ZNF394: variants seen among roughly 807,000 people sequenced by gnomAD.
The protein encoded by ZNF394 is zinc finger protein 394, also known as zinc finger protein 99.
In ZNF394, 19 loss-of-function variants were observed where a neutral mutation model predicts 21.8. The ratio of observed to expected loss-of-function variants is 0.87; its 90% confidence interval spans 0.61 to 1.28. ZNF394 has a LOEUF of 1.28. ZNF394 is among the 50% of genes most tolerant of loss of function. The pLI is 0.00. For synonymous variants in ZNF394, 294 were observed against 273.3 expected, an observed-to-expected ratio of 1.08 and a Z score of -0.75; for missense variants, 683 against 708.6, an observed-to-expected ratio of 0.96 and a Z score of 0.41.
At chr7:99,489,263 G>A (rs529110815), downstream of ZNF394, among the ~76,000 whole-genome samples, 82 of 149,834 alleles carry the variant, frequency 5.5e-4, no homozygotes, top group Non-Finnish European at 1.0e-3. Context: ...CAGCCTCGGT[G>A]ACAGAGTAAG....
chr7:99,488,861 G>A (rs1800093804), downstream of ZNF394, among the ~76,000 whole-genome samples: 1 of 149,484 alleles, frequency 6.7e-6, no homozygotes, highest in Non-Finnish European at 1.5e-5. Flanking sequence ...CAACCGGGAG[G>A]CAGAGGTTGC....
rs955862351 is a variant in ZNF394 at position 99,499,904 on chromosome 7, G to C, written c.190C>G (p.Arg64Gly). 50 of 1,614,024 alleles carry C rather than the reference G, an allele frequency of 3.1e-5. No individual in the cohort carries two copies. Among genetic ancestry groups the C allele is most frequent in the Non-Finnish European group, 4.0e-5 (47 of 1,180,044 alleles). Residue 64 changes from arginine to glycine, a missense_variant, in exon 1 of 3, where the codon CGA (arginine) becomes GGA (glycine). Arg to Gly is a moderately radical substitution (Grantham distance 125). Coordinates refer to ENST00000337673, the MANE Select transcript of ZNF394 (RefSeq NM_032164.4). ...TAACGCAGCTGCCTAAAGTGCAGTC[G>C]AGAAGTTTCGGGGTCCGGCGAAGCC... The part of the protein sequence containing the change: ...PAASPDPETS[R>G]LHFRQLRYQE...
Position 99,499,491 on chromosome 7 carries a change from C to A in ZNF394, c.456+147G>T, listed in dbSNP as rs906067184. 7.3e-6 allele frequency: 5 copies of A among 685,798 alleles called. No homozygotes were observed. The South Asian group carries it at 9.9e-5, about 14-fold the overall frequency. 42.5% of individuals were successfully genotyped at this position (685,798 alleles called of 1,614,324 possible). ...ATAACAAGTCATTTCCTGGATGGAT[C>A]TGTCACTGTGGCCTACAGAAAGGAA... On this transcript the variant is annotated intron_variant, in intron 1 of 2. Transcript: ENST00000337673.
Position 99,493,442 on chromosome 7 carries a change from A to G in ZNF394, c.*87T>C. Reference sequence around the variant, plus strand: ...CGGCTCATTTTTGTATTTTTAGTAGAGACAGGATTTTACCATGTTGGCCAG... The same window carrying G: ...CGGCTCATTTTTGTATTTTTAGTAGGGACAGGATTTTACCATGTTGGCCAG... On this transcript the variant is annotated 3_prime_UTR_variant, in exon 3 of 3. Coordinates refer to ENST00000337673, the MANE Select transcript of ZNF394 (RefSeq NM_032164.4). 8.0e-7 allele frequency: 1 copy of G among 1,249,822 alleles called. No homozygotes were observed. The highest frequency in any genetic ancestry group is 1.1e-6 in the Non-Finnish European group (1 of 905,294). 77.4% of individuals were successfully genotyped at this position (1,249,822 alleles called of 1,614,324 possible). A position where few individuals can be genotyped will look rare whatever the true frequency, so the allele number is the denominator to read the frequency against.
chr7:99,486,641 C>G, exon 2 of ZNF394: 1 of 1,614,166 alleles, frequency 6.2e-7, no homozygotes, highest in Non-Finnish European at 8.5e-7. Context: ...CTTACTTTCC[C>G]TACTAGTGGT....
downstream of ZNF394, among the ~76,000 whole-genome samples, chr7:99,489,575 T>C (rs1000078532): frequency 1.3e-5 from 2 of 152,194 alleles, no homozygotes; most frequent in Non-Finnish European, 2.9e-5. Context: ...CCAAGGTAGA[T>C]ACCTCATTGG....
At chr7:99,497,122 G>GTGTGTATATATATA (rs1322382800) in intron 2 of ZNF394, among the ~76,000 whole-genome samples, 27 of 79,424 alleles carry the variant, frequency 3.4e-4, no homozygotes, top group African/African-American at 5.9e-4. Context: ...GTGTGTGTGT[G>GTGTGTATATATATA]TATATATATA....
downstream of ZNF394, among the ~76,000 whole-genome samples, chr7:99,489,290 GAAA>G (rs66724141): frequency 2.7e-5 from 3 of 109,282 alleles, no homozygotes; most frequent in East Asian, 8.8e-4. Flanking sequence ...TCTCAAAAAA[GAAA>G]AAAAAAAAAA....
chr7:99,493,049 G>A (rs1800195785), downstream of ZNF394, among the ~76,000 whole-genome samples: 2 of 152,122 alleles, frequency 1.3e-5, no homozygotes, highest in Admixed American at 1.3e-4. Flanking sequence ...CCTGGCATCA[G>A]CTCACATTTC....
chr7:99,487,941 A>G (rs183793734), intron 1 of ZNF394, among the ~76,000 whole-genome samples: 7 of 152,132 alleles, frequency 4.6e-5, no homozygotes, highest in Non-Finnish European at 5.9e-5. Context: ...GTGTGGTGGC[A>G]GGCGCCTGTA....
At chr7:99,496,324 G>A (rs1800309469) in intron 2 of ZNF394, among the ~76,000 whole-genome samples, 1 of 151,420 alleles carries the variant, frequency 6.6e-6, no homozygotes, top group African/African-American at 2.4e-5. Flanking sequence ...CCAAAGTGCT[G>A]GGATTACAGG....
At chr7:99,490,948 A>G (rs1800149535), downstream of ZNF394, among the ~76,000 whole-genome samples, 1 of 152,044 alleles carries the variant, frequency 6.6e-6, no homozygotes, top group Admixed American at 6.6e-5. Flanking sequence ...TATCACCCAG[A>G]AGCCACCTAC....
At chr7:99,490,017 C>G (rs1314271139), downstream of ZNF394, among the ~76,000 whole-genome samples, 1 of 151,644 alleles carries the variant, frequency 6.6e-6, no homozygotes, top group Non-Finnish European at 1.5e-5. Flanking sequence ...AAAAAACAAA[C>G]AAATATTGCT....
At chr7:99,498,930 T>C in intron 1 of ZNF394, 88 bp from the exon 2 acceptor site, 5 of 1,482,996 alleles carry the variant, frequency 3.4e-6, no homozygotes, top group Non-Finnish European at 3.6e-6. Flanking sequence ...CAAGGGAGTT[T>C]GGAGAGATCA....
downstream of ZNF394, among the ~76,000 whole-genome samples, chr7:99,488,350 A>G (rs911003081): frequency 2.6e-5 from 4 of 151,640 alleles, no homozygotes; most frequent in Non-Finnish European, 5.9e-5. Context: ...CCTGGCCAAC[A>G]TGGTGAAACC....
chr7:99,497,218 G>A (rs185491366), intron 2 of ZNF394, among the ~76,000 whole-genome samples: 1,815 of 148,482 alleles, frequency 0.012, 34 homozygotes, highest in African/African-American at 0.043. Context: ...TGGAGTGCTG[G>A]AGTGCAGTGG....
downstream of ZNF394, among the ~76,000 whole-genome samples, chr7:99,489,699 CTTCT>C (rs992388324): frequency 5.3e-5 from 8 of 152,270 alleles, no homozygotes; most frequent in Admixed American, 2.0e-4. Context: ...AGCCATATCC[CTTCT>C]GTTTCCACAA....
At position 99,500,215 on chromosome 7, in the gene ZNF394, G is replaced by C; in HGVS notation, c.-122C>G. The C allele has an allele frequency of 1.1e-6, 1 of 914,504 alleles. No individual in the cohort carries two copies. The allele number at this position is 914,504 out of a possible 1,614,324, so 56.6% of individuals were successfully genotyped here. A position where few individuals can be genotyped will look rare whatever the true frequency, so the allele number is the denominator to read the frequency against. On this transcript the variant is annotated 5_prime_UTR_variant, in exon 1 of 3. Coordinates refer to ENST00000337673, the MANE Select transcript of ZNF394 (RefSeq NM_032164.4). The stretch of plus-strand genomic sequence containing the variant: ...CAAACACCGGGCCCCACCACACCAG[G>C]CCCCTCTCCACACTCTCCTTTCCTC...
chr7:99,487,156 C>G (rs867196643), intron 1 of ZNF394: 4 of 1,613,990 alleles, frequency 2.5e-6, no homozygotes. Flanking sequence ...CCATAAATGC[C>G]TTGAGTGTGG....
Sources: gnomAD v4.1 joint callset for allele counts (sites outside exome capture counted in the v4.1 genomes callset) on GRCh38, gnomAD v4.1.1 for gene constraint, MANE v1.5 for transcripts, NCBI Gene and HGNC (gene_info 2026-07-23, HGNC 2026-07-21) for gene names.